Variants in RUSC2 observed in about 807,000 individuals in gnomAD.
The protein encoded by RUSC2 is RUN and SH3 domain containing 2.
In RUSC2, 34 loss-of-function variants were observed where a neutral mutation model predicts 122.2. The observed-to-expected ratio is 0.28, with a 90% CI of 0.21 to 0.37. RUSC2 has a LOEUF of 0.37. Ranked by LOEUF, RUSC2 falls within the 10% of genes least tolerant of loss-of-function variation. The probability of loss-of-function intolerance (pLI) is 1.00; values close to 1 mark genes in which losing one functional copy is unlikely to be tolerated. For synonymous variants in RUSC2, 784 were observed against 790.0 expected, an observed-to-expected ratio of 0.99 and a Z score of 0.13; for missense variants, 1,747 against 1,952.4, an observed-to-expected ratio of 0.89 and a Z score of 1.98.
chr9:35,555,290 G>A lies in RUSC2; in HGVS notation c.2245G>A (p.Glu749Lys), dbSNP rs563315271. 68 of 1,613,722 alleles carry A rather than the reference G, an allele frequency of 4.2e-5. No individual in the cohort carries two copies. The highest frequency in any genetic ancestry group is 3.3e-4 in the Admixed American group (20 of 60,032). The change falls in exon 3 of 12, where the codon GAA (glutamate) becomes AAA (lysine). Residue 749 changes from glutamate to lysine, a missense_variant. Transcript: ENST00000361226. This position sits in a 1 kb window ranked among gnomAD's most constrained non-coding sequence, Gnocchi z 4.6. ...AQVSVPAPSG[E>K]PQASTPRATG... The stretch of plus-strand genomic sequence containing the variant: ...AGTCTCAGTCCCAGCTCCCTCAGGG[G>A]AACCGCAGGCATCCACTCCCCGAGC...
chr9:35,550,334 A>G (rs1037568898), intron 2 of RUSC2, among the ~76,000 whole-genome samples: 2 of 152,098 alleles, frequency 1.3e-5, no homozygotes, highest in Admixed American at 6.6e-5. Context: ...TAAAAGTGGT[A>G]GCTGGCACTT....
At chr9:35,531,527 CTG>C (rs1180621860) in intron 1 of RUSC2, among the ~76,000 whole-genome samples, 1 of 152,140 alleles carries the variant, frequency 6.6e-6, no homozygotes, top group African/African-American at 2.4e-5. Flanking sequence ...AATACTGACT[CTG>C]GAATCAGACA....
rs1231784591 is a variant in RUSC2 at position 35,559,230 on chromosome 9, C to G, written c.3346C>G (p.Arg1116Gly). The stretch of plus-strand genomic sequence containing the variant: ...TCTTCACCTGTCTCCCTACAGCATC[C>G]GGTCCCTGGAGTTCTGGTTTAATCA... ...NAFILGLLNI[R>G]SLEFWFNHLY... Residue 1116 changes from arginine (R) to glycine (G), a missense_variant, in exon 9 of 12, where the codon CGG (arginine) becomes GGG (glycine). Arg to Gly is a moderately radical substitution (Grantham distance 125). Coordinates refer to ENST00000361226, the MANE Select transcript of RUSC2 (RefSeq NM_014806.5). The G allele has an allele frequency of 1.2e-6, 2 of 1,612,940 alleles. No individual in the cohort carries two copies. The highest frequency in any genetic ancestry group is 2.2e-5 in the East Asian group (1 of 44,894).
chr9:35,559,300 C>T, intron 9 of RUSC2, 28 bp downstream of exon 9: 1 of 1,582,470 alleles, frequency 6.3e-7, no homozygotes, highest in Non-Finnish European at 8.7e-7. Flanking sequence ...GCAGGTCAAA[C>T]TCAATGGGTC....
At chr9:35,511,830 T>C (rs910325738) in intron 1 of RUSC2, among the ~76,000 whole-genome samples, 4 of 152,212 alleles carry the variant, frequency 2.6e-5, no homozygotes, top group Non-Finnish European at 5.9e-5. Context: ...CTAAAAGATA[T>C]ATATCAGGTT....
chr9:35,547,324 A>T lies in RUSC2; in HGVS notation c.803A>T (p.Tyr268Phe). 1 of 1,614,144 alleles carries T rather than the reference A, an allele frequency of 6.2e-7. No homozygotes were observed. Among genetic ancestry groups the T allele is most frequent in the Non-Finnish European group, 8.5e-7 (1 of 1,180,014 alleles). ...GAGGCAGCTGACCAGTCCATGGGCT[A>T]TGTGAGCGACTCCTCCTGCAACAGT... ...QSEAADQSMG[Y>F]VSDSSCNSSD... Residue 268 changes from tyrosine to phenylalanine, a missense_variant, in exon 2 of 12, where the codon TAT (tyrosine) becomes TTT (phenylalanine). Tyr to Phe is a conservative substitution (Grantham distance 22). Transcript: ENST00000361226. This position sits in a 1 kb window ranked among gnomAD's most constrained non-coding sequence, Gnocchi z 4.6.
intron 1 of RUSC2, among the ~76,000 whole-genome samples, chr9:35,493,026 G>A (rs369480534): frequency 2.6e-5 from 4 of 151,944 alleles, no homozygotes; most frequent in South Asian, 2.1e-4. Context: ...GGGTACATAT[G>A]AGGGTTTGTT....
intron 1 of RUSC2, among the ~76,000 whole-genome samples, chr9:35,504,907 G>C (rs573123520): frequency 4.5e-4 from 68 of 152,294 alleles, no homozygotes; most frequent in Middle Eastern, 3.4e-3. Context: ...TGGGGTTTGG[G>C]GGCGAATGGG....
At chr9:35,500,302 C>A (rs967874769) in intron 1 of RUSC2, among the ~76,000 whole-genome samples, 10 of 152,022 alleles carry the variant, frequency 6.6e-5, no homozygotes, top group Admixed American at 3.3e-4. Flanking sequence ...TGCAGGGAAA[C>A]CCCCTTATAA....
rs779599994 is a variant in RUSC2 at position 35,555,164 on chromosome 9, C to G, written c.2119C>G (p.Leu707Val). The change falls in exon 3 of 12, where the codon CTG becomes GTG. Residue 707 changes from leucine (L) to valine (V), a missense_variant. Coordinates refer to ENST00000361226, the MANE Select transcript of RUSC2 (RefSeq NM_014806.5). The surrounding 1 kb of genome is among the most constrained non-coding windows in gnomAD (Gnocchi z 4.6). ...FVFQHHFPKQ[L>V]AKARALHSLS... ...GTTCCAGCACCACTTCCCCAAGCAGCTGGCCAAGGCCCGGGCCCTCCACAG... is the reference window on the plus strand; with the variant it reads ...GTTCCAGCACCACTTCCCCAAGCAGGTGGCCAAGGCCCGGGCCCTCCACAG... 6.2e-7 allele frequency: 1 copy of G among 1,613,826 alleles called. No homozygotes were observed. Among genetic ancestry groups the G allele is most frequent in the Non-Finnish European group, 8.5e-7 (1 of 1,180,036 alleles).
chr9:35,517,293 CA>C (rs1310234749), intron 1 of RUSC2, among the ~76,000 whole-genome samples: 1 of 152,192 alleles, frequency 6.6e-6, no homozygotes, highest in Non-Finnish European at 1.5e-5. Context: ...AGAGACCTGG[CA>C]AACTAACCCA....
Position 35,546,964 on chromosome 9 carries a change from T to C in RUSC2, c.443T>C (p.Leu148Pro). The C allele has an allele frequency of 6.3e-7, 1 of 1,581,218 alleles. No homozygotes were observed. Among genetic ancestry groups the C allele is most frequent in the Non-Finnish European group, 8.6e-7 (1 of 1,162,494 alleles). Reference sequence around the variant, plus strand: ...AACTTTCATCTATCCTCTTTCCAGCTGCCACCATCTGGCCCCAGAGTGGGC... The same window carrying C: ...AACTTTCATCTATCCTCTTTCCAGCCGCCACCATCTGGCCCCAGAGTGGGC... ...QPNFHLSSFQ[L>P]PPSGPRVGRP... Residue 148 changes from leucine to proline, a missense_variant, in exon 2 of 12, where the codon CTG (leucine) becomes CCG (proline). By Grantham distance (98) the Leu-to-Pro change is moderately conservative. Coordinates refer to ENST00000361226, the MANE Select transcript of RUSC2 (RefSeq NM_014806.5). The surrounding 1 kb of genome is among the most constrained non-coding windows in gnomAD (Gnocchi z 4.3).
chr9:35,494,362 G>A (rs1820630701), intron 1 of RUSC2, among the ~76,000 whole-genome samples: 1 of 152,088 alleles, frequency 6.6e-6, no homozygotes, highest in African/African-American at 2.4e-5. Context: ...GAGGCAGGAG[G>A]CTGAGGCAGG....
Position 35,560,075 on chromosome 9 carries a change from T to C in RUSC2, c.3435T>C (p.Ala1145=). 6.2e-7 allele frequency: 1 copy of C among 1,613,622 alleles called. No individual in the cohort carries two copies. Among genetic ancestry groups the C allele is most frequent in the Non-Finnish European group, 8.5e-7 (1 of 1,179,662 alleles). ...HYQPWGFLSA[A]HTVCPGLFEE... is the part of the protein sequence containing the mutation. ...AGCCCTGGGGCTTCCTGAGTGCAGCTCATACCGTGTGTCCCGGCCTCTTTG... is the reference window on the plus strand; with the variant it reads ...AGCCCTGGGGCTTCCTGAGTGCAGCCCATACCGTGTGTCCCGGCCTCTTTG... The change falls in exon 10 of 12, where the codon GCT becomes GCC. Residue 1145 remains alanine (A), a synonymous_variant. Transcript: ENST00000361226.
rs557978919 is a variant in RUSC2, at chr9:35,548,393, A to T, written c.1872A>T (p.Gly624=). Residue 624 remains glycine (G), a synonymous_variant, in exon 2 of 12, where the codon GGA becomes GGT. Coordinates refer to ENST00000361226, the MANE Select transcript of RUSC2 (RefSeq NM_014806.5). This position sits in a 1 kb window ranked among gnomAD's most constrained non-coding sequence, Gnocchi z 4.5. ...CCTGGTCCACCCAGGTCTGTCAGGGACCCCACTCCAGTGAGATGCCTCCTG... is the reference window on the plus strand; with the variant it reads ...CCTGGTCCACCCAGGTCTGTCAGGGTCCCCACTCCAGTGAGATGCCTCCTG... ...SPPWSTQVCQ[G]PHSSEMPPAG... 3.6e-5 allele frequency: 58 copies of T among 1,613,858 alleles called. 1 individual carries two copies. In the African/African-American group the frequency reaches 6.1e-4, roughly 17 times the overall value.
intron 1 of RUSC2, among the ~76,000 whole-genome samples, chr9:35,534,330 T>C (rs1354762842): frequency 6.6e-6 from 1 of 151,776 alleles, no homozygotes; most frequent in Non-Finnish European, 1.5e-5. Context: ...ATCCCAGCAC[T>C]TTGGGAAGCC....
intron 1 of RUSC2, among the ~76,000 whole-genome samples, chr9:35,493,152 G>A (rs950058348): frequency 2.0e-5 from 3 of 152,012 alleles, no homozygotes; most frequent in African/African-American, 4.8e-5. Context: ...CTACCCTCAA[G>A]AAGACCCTGG....
At chr9:35,554,169 T>C (rs1377511013) in intron 2 of RUSC2, among the ~76,000 whole-genome samples, 1 of 152,102 alleles carries the variant, frequency 6.6e-6, no homozygotes, top group Non-Finnish European at 1.5e-5. Context: ...ATCTACAGTG[T>C]TTTGTTGGAA....
chr9:35,520,814 C>G (rs2132516842), intron 1 of RUSC2, among the ~76,000 whole-genome samples: 1 of 152,302 alleles, frequency 6.6e-6, no homozygotes, highest in Admixed American at 6.5e-5. Flanking sequence ...TACACTGTCT[C>G]TGGTCTTGGT....
Sources: allele counts gnomAD v4.1 joint callset (sites outside exome capture counted in the v4.1 genomes callset), GRCh38; gene constraint gnomAD v4.1.1; non-coding constraint Gnocchi (gnomAD v3.1); transcripts MANE v1.5; gene names NCBI Gene and HGNC (gene_info 2026-07-23, HGNC 2026-07-21).